COLGALT2: variants seen among roughly 807,000 people sequenced by gnomAD.
COLGALT2 encodes the protein procollagen galactosyltransferase 2.
Under a neutral mutation model 73.4 loss-of-function variants are expected in COLGALT2, and 49 were observed. That is an observed-to-expected ratio of 0.67 (90% CI 0.53 to 0.85). The LOEUF (loss-of-function observed/expected upper bound fraction) is 0.85, where lower values mean the gene tolerates loss of function less well. Among genes scored for constraint, COLGALT2 ranks in the 40% least tolerant of loss-of-function variants. COLGALT2 has a pLI of 0.00. For missense variants in COLGALT2, 722 were observed against 790.2 expected, an observed-to-expected ratio of 0.91 and a Z score of 1.03; for synonymous variants, 295 against 307.6, an observed-to-expected ratio of 0.96 and a Z score of 0.43.
Position 183,975,079 on chromosome 1 carries a change from T to A in COLGALT2, c.492+18A>T. On this transcript the variant is annotated intron_variant, in intron 3 of 11. Coordinates refer to ENST00000361927, the MANE Select transcript of COLGALT2 (RefSeq NM_015101.4). ...ACCTGAGATGACAGTTGTCAAGAAA[T>A]CAAACATCTGTTTTTACCAGAATGT... The A allele has an allele frequency of 6.5e-7, 1 of 1,544,836 alleles. No individual in the cohort carries two copies. Among genetic ancestry groups the A allele is most frequent in the Non-Finnish European group, 9.0e-7 (1 of 1,117,176 alleles).
chr1:184,031,817 A>AACCTTCCT (rs1553213524), intron 1 of COLGALT2, among the ~76,000 whole-genome samples: 1 of 139,190 alleles, frequency 7.2e-6, no homozygotes, highest in African/African-American at 2.7e-5. Context: ...CCATGAATGT[A>AACCTTCCT]TCCTTCCTTC....
chr1:183,975,053 C>T (rs754392594), intron 3 of COLGALT2, 44 bp downstream of exon 3: 13 of 1,393,820 alleles, frequency 9.3e-6, no homozygotes, highest in Non-Finnish European at 1.3e-5. Context: ...GATTTGGATA[C>T]ACCTGAGATG....
At position 183,965,467 on chromosome 1, in the gene COLGALT2, C is replaced by T. The variant is rs926445058; in HGVS notation, c.833-1447G>A. The stretch of plus-strand genomic sequence containing the variant: ...GCTGCTGGATGATGTGAGAGAAGGA[C>T]GAGGAGGAAAGGAAGGAAGAGGAGG... On this transcript the variant is annotated intron_variant, in intron 5 of 11. Coordinates refer to ENST00000361927, the MANE Select transcript of COLGALT2 (RefSeq NM_015101.4). Among the ~76,000 whole-genome samples the T allele has an allele frequency of 4.6e-5, 7 of 151,252 alleles. No homozygotes were observed. The East Asian group carries it at 5.8e-4, about 13-fold the overall frequency.
chr1:183,972,197 T>C (rs906884733), intron 4 of COLGALT2, among the ~76,000 whole-genome samples: 3 of 152,158 alleles, frequency 2.0e-5, no homozygotes, highest in Non-Finnish European at 2.9e-5. Flanking sequence ...CCTCAACTTC[T>C]TGGGCTCAAG....
intron 4 of COLGALT2, among the ~76,000 whole-genome samples, 167 bp from the exon 5 acceptor site, chr1:183,969,640 C>T (rs1361539609): frequency 6.6e-6 from 1 of 152,140 alleles, no homozygotes; most frequent in African/African-American, 2.4e-5. Context: ...CAAGTGAGCA[C>T]AAGAAATGCT....
rs1191678238 is a variant in COLGALT2, at chr1:183,938,732, C to T, written c.*29G>A. On this transcript the variant is annotated 3_prime_UTR_variant, in exon 12 of 12. Transcript: ENST00000361927. Reference sequence around the variant, plus strand: ...TTTAGAAAAACCAGAGGATGTTGAACTGATGTGGGCCACACTCCCAGGGAG... The same window carrying T: ...TTTAGAAAAACCAGAGGATGTTGAATTGATGTGGGCCACACTCCCAGGGAG... 7 of 1,609,006 alleles carry T rather than the reference C, an allele frequency of 4.4e-6. No homozygotes were observed. The South Asian group carries it at 4.4e-5, about 10-fold the overall frequency.
intron 1 of COLGALT2, among the ~76,000 whole-genome samples, chr1:184,014,457 A>G (rs1330620833): frequency 6.6e-6 from 1 of 152,178 alleles, no homozygotes; most frequent in African/African-American, 2.4e-5. Context: ...TTGGCAAGGA[A>G]ACTTTCAGTG....
chr1:183,995,572 T>A (rs1309334076), intron 1 of COLGALT2, among the ~76,000 whole-genome samples: 2 of 152,254 alleles, frequency 1.3e-5, no homozygotes, highest in Non-Finnish European at 2.9e-5. Context: ...CAGAGCCACG[T>A]CAGGCTAGCA....
At chr1:184,011,746 T>A (rs970250803) in intron 1 of COLGALT2, among the ~76,000 whole-genome samples, 4 of 152,218 alleles carry the variant, frequency 2.6e-5, no homozygotes, top group Non-Finnish European at 5.9e-5. Flanking sequence ...TTAGATGGTG[T>A]AAACCCTATA....
chr1:183,986,769 C>A (rs534096516), intron 1 of COLGALT2, among the ~76,000 whole-genome samples: 2 of 152,148 alleles, frequency 1.3e-5, no homozygotes, highest in Non-Finnish European at 1.5e-5. Context: ...TACTCATTAT[C>A]TTTATTTCCC....
intron 11 of COLGALT2, among the ~76,000 whole-genome samples, chr1:183,940,347 T>C (rs1332038721): frequency 6.6e-6 from 1 of 152,172 alleles, no homozygotes; most frequent in Non-Finnish European, 1.5e-5. Flanking sequence ...TCAGTTCAAC[T>C]ACAAACTGGA....
At chr1:183,981,650 C>T (rs1339703394) in intron 1 of COLGALT2, among the ~76,000 whole-genome samples, 2 of 152,154 alleles carry the variant, frequency 1.3e-5, no homozygotes, top group African/African-American at 4.8e-5. Context: ...GAGCGAGATG[C>T]TCTCTCAATA....
chr1:183,961,496 C>T (rs371145851), intron 6 of COLGALT2, among the ~76,000 whole-genome samples: 2 of 152,156 alleles, frequency 1.3e-5, no homozygotes, highest in African/African-American at 2.4e-5. Context: ...AGCACTTTAT[C>T]GAGAGGTAAA....
exon 12 of COLGALT2, chr1:183,930,129 A>C: frequency 2.2e-6 from 1 of 449,562 alleles, no homozygotes; most frequent in Non-Finnish European, 4.5e-6. Context: ...ATGTGAGTAC[A>C]GGGGAGGTGG....
At chr1:183,980,225 G>T (rs960651482) in intron 1 of COLGALT2, among the ~76,000 whole-genome samples, 20 of 151,578 alleles carry the variant, frequency 1.3e-4, no homozygotes, top group Non-Finnish European at 2.8e-4. Context: ...CATATATAAA[G>T]AAATTAATAA....
Position 184,037,306 on chromosome 1 carries a change from A to C in COLGALT2, c.52T>G (p.Ser18Ala). 1 of 1,534,366 alleles carries C rather than the reference A, an allele frequency of 6.5e-7. No homozygotes were observed. The highest frequency in any genetic ancestry group is 8.8e-7 in the Non-Finnish European group (1 of 1,142,114). ...TLAWSLLLLS[S>A]ALLREGCRAR... Reference sequence around the variant, plus strand: ...CGGCAGCCTTCGCGGAGCAGGGCTGAGGAGAGGAGCAGTAGCGACCAGGCG... The same window carrying C: ...CGGCAGCCTTCGCGGAGCAGGGCTGCGGAGAGGAGCAGTAGCGACCAGGCG... The change falls in exon 1 of 12, where the codon TCA becomes GCA. Residue 18 changes from serine (S) to alanine (A), a missense_variant. Coordinates refer to ENST00000361927, the MANE Select transcript of COLGALT2 (RefSeq NM_015101.4).
At chr1:184,018,842 T>C (rs886111303) in intron 1 of COLGALT2, among the ~76,000 whole-genome samples, 6 of 152,138 alleles carry the variant, frequency 3.9e-5, no homozygotes, top group Non-Finnish European at 5.9e-5. Flanking sequence ...GGAAGAAATA[T>C]TTCCTGCCAG....
At chr1:184,005,617 C>T (rs2102842540) in intron 1 of COLGALT2, among the ~76,000 whole-genome samples, 1 of 152,316 alleles carries the variant, frequency 6.6e-6, no homozygotes, top group South Asian at 2.1e-4. Flanking sequence ...TGCAAGCTTT[C>T]TCAGCACTCT....
At chr1:184,005,316 G>A (rs2102842283) in intron 1 of COLGALT2, among the ~76,000 whole-genome samples, 1 of 152,314 alleles carries the variant, frequency 6.6e-6, no homozygotes, top group Admixed American at 6.5e-5. Context: ...TCCTGGCAGA[G>A]GCTCCCTGAC....
Sources: allele counts gnomAD v4.1 joint callset (sites outside exome capture counted in the v4.1 genomes callset), GRCh38; gene constraint gnomAD v4.1.1; transcripts MANE v1.5; gene names NCBI Gene and HGNC (gene_info 2026-07-23, HGNC 2026-07-21).